The following MRTFB variants were observed in gnomAD, a reference collection of about 807,000 sequenced individuals.
MRTFB encodes the protein myocardin related transcription factor B.
MRTFB carries 29 observed loss-of-function variants against 104.2 expected under a neutral mutation model. The observed-to-expected ratio is 0.28, with a 90% confidence interval of 0.21 to 0.38. MRTFB has a LOEUF of 0.38. Among genes scored for constraint, MRTFB ranks in the 10% least tolerant of loss-of-function variants. The pLI, the probability that MRTFB is intolerant of heterozygous loss-of-function variation, is 1.00. For missense variants in MRTFB, 1,270 were observed against 1,341.6 expected (o/e 0.95, Z 0.83); for synonymous variants, 535 against 519.5 (o/e 1.03, Z -0.41).
chr16:14,088,154 T>C (rs1277711685), intron 2 of MRTFB, among the ~76,000 whole-genome samples: 1 of 152,232 alleles, frequency 6.6e-6, no homozygotes, highest in African/African-American at 2.4e-5. Flanking sequence ...TGACTGTTAC[T>C]TATACTGTGA....
chr16:14,101,727 T>G (rs578014941), intron 2 of MRTFB, among the ~76,000 whole-genome samples: 2 of 152,328 alleles, frequency 1.3e-5, no homozygotes, highest in Admixed American at 1.3e-4. Context: ...TATAAAGATC[T>G]ACATCAGTAT....
At chr16:14,089,540 TGTG>T (rs1029663058) in intron 2 of MRTFB, among the ~76,000 whole-genome samples, 9 of 152,252 alleles carry the variant, frequency 5.9e-5, no homozygotes, top group African/African-American at 1.9e-4. Context: ...TGATGGACAT[TGTG>T]GTGGTTTCCA....
chr16:14,061,835 T>C, the MRTFB span, among the ~76,000 whole-genome samples: 2 of 151,986 alleles, frequency 1.3e-5, no homozygotes, highest in Non-Finnish European at 2.9e-5. Flanking sequence ...GGGGAGGGAA[T>C]AGATTTTAAA....
In MRTFB at chr16:14,232,085, GTTAT is replaced by G. The variant is rs1424087951; in HGVS notation, c.694-2058_694-2055del. The stretch of plus-strand genomic sequence containing the variant: ...TTTGATACTACATCCATGCTCCTGG[GTTAT>G]TTTTCATGTGATTAACACTTACTGC... On this transcript the variant is annotated intron_variant, in intron 8 of 16. Coordinates refer to ENST00000571589, the MANE Select transcript of MRTFB (RefSeq NM_001308142.2). 4.6e-5 allele frequency among the ~76,000 whole-genome samples: 7 copies of G among 152,238 alleles called. No homozygotes were observed. In the East Asian group the frequency reaches 1.4e-3, roughly 29 times the overall value.
chr16:14,121,327 AT>A (rs2036835661), intron 2 of MRTFB, among the ~76,000 whole-genome samples: 2 of 151,892 alleles, frequency 1.3e-5, no homozygotes. Flanking sequence ...AAAAGCTTCC[AT>A]TTAAAATGTT....
chr16:14,231,921 A>G (rs1237643816), intron 8 of MRTFB, among the ~76,000 whole-genome samples: 4 of 152,190 alleles, frequency 2.6e-5, no homozygotes, highest in African/African-American at 9.7e-5. Flanking sequence ...AGAGTCAACA[A>G]TCACTGTATT....
chr16:14,064,831 T>G, the MRTFB span, among the ~76,000 whole-genome samples: 15 of 152,366 alleles, frequency 9.8e-5, no homozygotes, highest in South Asian at 3.1e-3. Context: ...TCTATTTTTG[T>G]ACCAGAACCA....
At chr16:14,226,162 C>T (rs188216645) in intron 8 of MRTFB, among the ~76,000 whole-genome samples, 5 of 152,272 alleles carry the variant, frequency 3.3e-5, no homozygotes, top group Admixed American at 3.3e-4. Context: ...CCCAAACAAT[C>T]TACAGATTCA....
At chr16:14,066,995 T>A (rs550345418), upstream of MRTFB, among the ~76,000 whole-genome samples, 4 of 152,080 alleles carry the variant, frequency 2.6e-5, no homozygotes, top group South Asian at 8.3e-4. Context: ...TGTTTGTTTG[T>A]TGTTTTCAAA....
At chr16:14,106,043 C>T (rs577218892) in intron 2 of MRTFB, among the ~76,000 whole-genome samples, 76 of 152,184 alleles carry the variant, frequency 5.0e-4, no homozygotes, top group Non-Finnish European at 7.8e-4. Context: ...AACTAAGTCT[C>T]TTAATGCTAC....
upstream of MRTFB, among the ~76,000 whole-genome samples, chr16:14,068,576 T>G (rs566566741): frequency 1.3e-5 from 2 of 152,198 alleles, no homozygotes; most frequent in East Asian, 3.9e-4. Context: ...TGTGTGTCGT[T>G]GCGTGTTGTG....
At chr16:14,217,028 GT>G in intron 6 of MRTFB, 97 bp from the exon 7 acceptor site, 1 of 1,245,510 alleles carries the variant, frequency 8.0e-7, no homozygotes, top group Non-Finnish European at 1.1e-6. Flanking sequence ...ACAAAAATGT[GT>G]CTAAATCAGT....
In MRTFB at chr16:14,234,240, C is replaced by A; in HGVS notation, c.788C>A (p.Thr263Lys). ...CGGCCTGCAGCTCCTGTCCTCCCCACAAACACTGTGTCCTCAGCAAAGCCT... is the reference window on the plus strand; with the variant it reads ...CGGCCTGCAGCTCCTGTCCTCCCCAAAAACACTGTGTCCTCAGCAAAGCCT... ...PPRPAAPVLP[T>K]NTVSSAKPGP... The change falls in exon 9 of 17, where the codon ACA becomes AAA. Residue 263 changes from threonine (T) to lysine (K), a missense_variant. By Grantham distance (78) the Thr-to-Lys change is moderately conservative (BLOSUM62 -1). Transcript: ENST00000571589. 6.2e-7 allele frequency: 1 copy of A among 1,614,172 alleles called. No individual in the cohort carries two copies. The highest frequency in any genetic ancestry group is 1.1e-5 in the South Asian group (1 of 91,082).
At chr16:14,244,213 G>A (rs1306779694) in intron 10 of MRTFB, among the ~76,000 whole-genome samples, 2 of 152,136 alleles carry the variant, frequency 1.3e-5, no homozygotes, top group African/African-American at 4.8e-5. Context: ...CTTTGTTGGT[G>A]CTGATAGCAG....
intron 8 of MRTFB, among the ~76,000 whole-genome samples, chr16:14,223,724 G>C (rs1384245615): frequency 6.6e-6 from 1 of 152,014 alleles, no homozygotes; most frequent in African/African-American, 2.4e-5. Flanking sequence ...GAGACTTATA[G>C]GACACCATCA....
At chr16:14,149,731 TGTA>T (rs1358075666) in intron 3 of MRTFB, among the ~76,000 whole-genome samples, 2 of 152,244 alleles carry the variant, frequency 1.3e-5, no homozygotes, top group African/African-American at 4.8e-5. Context: ...AAGTTCATGA[TGTA>T]GTATATTCTC....
rs61205256 is a variant in MRTFB at position 14,168,217 on chromosome 16, ATGTGTGTGTG to A, written c.154+27475_154+27484del. On this transcript the variant is annotated intron_variant, in intron 3 of 16. Transcript: ENST00000571589. The stretch of plus-strand genomic sequence containing the variant: ...AGTGGTTTACATTTTTAAAGATAAA[ATGTGTGTGTG>A]TGTGTGTGTGTGTGTGTATGCTTAT... Among the ~76,000 whole-genome samples, 57 of 148,108 alleles carry A rather than the reference ATGTGTGTGTG, an allele frequency of 3.8e-4. 1 individual carries two copies. In the South Asian group the frequency reaches 0.01, roughly 26 times the overall value.
intron 7 of MRTFB, among the ~76,000 whole-genome samples, chr16:14,218,138 T>C (rs2041507806): frequency 6.6e-6 from 1 of 152,258 alleles, no homozygotes; most frequent in Middle Eastern, 3.4e-3. Context: ...TGGCTCACTG[T>C]AAACTCTGCC....
At chr16:14,121,440 T>C (rs777030750) in intron 2 of MRTFB, among the ~76,000 whole-genome samples, 34 of 152,202 alleles carry the variant, frequency 2.2e-4, no homozygotes, top group Admixed American at 9.8e-4. Flanking sequence ...GATGTCACGA[T>C]GCTCCAAATG....
Sources: gnomAD v4.1 joint callset for allele counts (sites outside exome capture counted in the v4.1 genomes callset) on GRCh38, gnomAD v4.1.1 for gene constraint, MANE v1.5 for transcripts, NCBI Gene and HGNC (gene_info 2026-07-23, HGNC 2026-07-21) for gene names.